Variants in RINL observed in about 807,000 individuals in gnomAD.
RINL encodes the protein ras and Rab interactor-like protein.
A neutral mutation model predicts 58.1 loss-of-function variants in RINL; 39 were observed. The ratio of observed to expected loss-of-function variants is 0.67; its 90% CI spans 0.52 to 0.88. RINL has a LOEUF of 0.88. RINL is among the 40% of genes least tolerant of loss of function. The probability of loss-of-function intolerance (pLI) is 0.00; values close to 1 mark genes in which losing one functional copy is unlikely to be tolerated. For missense variants in RINL, 711 were observed against 749.2 expected (o/e 0.95, Z 0.60); for synonymous variants, 286 against 323.1 (o/e 0.89, Z 1.23).
chr19:38,870,029 G>T lies in RINL; in HGVS notation c.1256C>A (p.Ala419Asp). 1 of 1,563,910 alleles carries T rather than the reference G, an allele frequency of 6.4e-7. No homozygotes were observed. The change falls in exon 9 of 12, where the codon GCT becomes GAT. Residue 419 changes from alanine (A) to aspartate (D), a missense_variant. Transcript: ENST00000591812. This position sits in a 1 kb window ranked among gnomAD's most constrained non-coding sequence, Gnocchi z 5.8. ...CACCTTGCGGCGCGGGGCGCAGGCA[G>T]CGTGGAGGTGCGCAAGGCGCTCGTG... ...RIHERLAHLH[A>D]ACAPRRKVAL...
At chr19:38,875,679 T>TAAA (rs35176853) in intron 3 of RINL, among the ~76,000 whole-genome samples, 131 of 147,694 alleles carry the variant, frequency 8.9e-4, no homozygotes, top group South Asian at 2.6e-3. Context: ...CTCTCAAAAT[T>TAAA]AAAAAAAAAA....
At chr19:38,874,533 C>A (rs1013701337) in intron 3 of RINL, among the ~76,000 whole-genome samples, 4 of 152,220 alleles carry the variant, frequency 2.6e-5, no homozygotes, top group African/African-American at 9.6e-5. Context: ...CTCAGCCTCT[C>A]ATAGTGCTGG....
intron 3 of RINL, among the ~76,000 whole-genome samples, chr19:38,875,679 T>TAAAA (rs35176853): frequency 2.0e-5 from 3 of 147,636 alleles, no homozygotes; most frequent in South Asian, 2.1e-4. Flanking sequence ...CTCTCAAAAT[T>TAAAA]AAAAAAAAAA....
In RINL at chr19:38,870,045, G is replaced by T; in HGVS notation, c.1240C>A (p.Leu414Ile). The change falls in exon 9 of 12, where the codon CTT becomes ATT. Residue 414 changes from leucine to isoleucine, a missense_variant. Coordinates refer to ENST00000591812, the MANE Select transcript of RINL (RefSeq NM_001195833.2). The surrounding 1 kb of genome is among the most constrained non-coding windows in gnomAD (Gnocchi z 5.8). ...GCGCAGGCAGCGTGGAGGTGCGCAA[G>T]GCGCTCGTGGATGCGGCTCCGCAAG... ...PALRSRIHER[L>I]AHLHAACAPR... The T allele has an allele frequency of 6.5e-7, 1 of 1,547,030 alleles. No individual in the cohort carries two copies.
At chr19:38,875,004 G>A (rs1032523441) in intron 3 of RINL, among the ~76,000 whole-genome samples, 9 of 151,586 alleles carry the variant, frequency 5.9e-5, no homozygotes, top group Admixed American at 3.9e-4. Flanking sequence ...GTGTAATGGC[G>A]GGCGCCTGTA....
In RINL at chr19:38,871,198, C is replaced by T; in HGVS notation, c.481G>A (p.Asp161Asn). ...ATGGAAAGCACCTTCCCTGGGGTGT[C>T]CTGTTGGACCCTGCCGATCTGCACA... ...DPVQIGRVQQDTPGKVLSIVN... is the reference protein window; with the variant it reads ...DPVQIGRVQQNTPGKVLSIVN... The change falls in exon 7 of 12, where the codon GAC becomes AAC. Residue 161 changes from aspartate to asparagine, a missense_variant. By Grantham distance (23) the Asp-to-Asn change is conservative. Transcript: ENST00000591812. The T allele has an allele frequency of 6.2e-7, 1 of 1,613,998 alleles. No individual in the cohort carries two copies. Among genetic ancestry groups the T allele is most frequent in the East Asian group, 2.2e-5 (1 of 44,868 alleles).
chr19:38,873,818 G>A (rs1365265829), intron 4 of RINL, 68 bp downstream of exon 4: 3 of 1,009,976 alleles, frequency 3.0e-6, no homozygotes, highest in East Asian at 2.6e-5. Flanking sequence ...GAGCCACCGC[G>A]CCGGTCCAGC....
In RINL at chr19:38,869,969, G is replaced by T. The variant is rs758543281; in HGVS notation, c.1316C>A (p.Ala439Glu). The T allele has an allele frequency of 1.3e-6, 2 of 1,599,288 alleles. No homozygotes were observed. The highest frequency in any genetic ancestry group is 1.3e-5 in the African/African-American group (1 of 74,690). The change falls in exon 9 of 12, where the codon GCG becomes GAG. Residue 439 changes from alanine (A) to glutamate (E), a missense_variant. Ala to Glu is a moderately radical substitution (Grantham distance 107). Transcript: ENST00000591812. This position sits in a 1 kb window ranked among gnomAD's most constrained non-coding sequence, Gnocchi z 5.7. Reference sequence around the variant, plus strand: ...TTGGTTCTCGCCTCGAGCCAGGCCCGCATAGACATCTCTGCACACCTCCAA... The same window carrying T: ...TTGGTTCTCGCCTCGAGCCAGGCCCTCATAGACATCTCTGCACACCTCCAA... ...LLLEVCRDVYAGLARGENQDP... is the reference protein window; with the variant it reads ...LLLEVCRDVYEGLARGENQDP...
At position 38,876,463 on chromosome 19, in the gene RINL, T is replaced by A; in HGVS notation, c.78A>T (p.Ala26=). The A allele has an allele frequency of 6.5e-7, 1 of 1,536,100 alleles. No individual in the cohort carries two copies. Among genetic ancestry groups the A allele is most frequent in the Non-Finnish European group, 8.7e-7 (1 of 1,146,858 alleles). Residue 26 remains alanine, a synonymous_variant, in exon 3 of 12, where the codon GCA becomes GCT. Coordinates refer to ENST00000591812, the MANE Select transcript of RINL (RefSeq NM_001195833.2). The part of the protein sequence containing the change: ...VRLVPPQVNK[A]DRTPLGVLST... The stretch of plus-strand genomic sequence containing the variant: ...TGAGGACCCCTAGAGGGGTCCTGTC[T>A]GCTTTGTTCACCTGTGGTGGGACCA...
chr19:38,875,622 T>A (rs149904887), intron 3 of RINL, among the ~76,000 whole-genome samples: 2 of 151,272 alleles, frequency 1.3e-5, no homozygotes, highest in South Asian at 2.1e-4. Context: ...AGTTGCAGTG[T>A]GCCGAGATCA....
In RINL at chr19:38,868,543, G is replaced by C. The variant is rs1462251001; in HGVS notation, c.*561C>G. On this transcript the variant is annotated 3_prime_UTR_variant, in exon 12 of 12. Transcript: ENST00000591812. ...CAGCTACTTGGTAGGCAGAGGCAGG[G>C]GGCTTGTTTGAGCCAGGAGGTTAAG... 6.6e-6 allele frequency: 1 copy of C among 152,016 alleles called. No individual in the cohort carries two copies. The highest frequency in any genetic ancestry group is 2.4e-5 in the African/African-American group (1 of 41,382). 9.4% of individuals were successfully genotyped at this position (152,016 alleles called of 1,614,324 possible). A position where few individuals can be genotyped will look rare whatever the true frequency, so the allele number is the denominator to read the frequency against.
chr19:38,871,927 C>A, intron 4 of RINL, 57 bp from the exon 5 acceptor site: 2 of 1,331,940 alleles, frequency 1.5e-6, no homozygotes, highest in East Asian at 2.4e-5. Context: ...AGTTTTCTGT[C>A]CCCTGGGATG....
rs1292715816 is a variant in RINL, at chr19:38,869,462, C to G, written c.1475-52G>C. 9 of 1,577,352 alleles carry G rather than the reference C, an allele frequency of 5.7e-6. No homozygotes were observed. Among genetic ancestry groups the G allele is most frequent in the Admixed American group, 1.8e-5 (1 of 57,104 alleles). ...CGCCCTCTCGGCTTCCCTGGTCGCC[C>G]CAAATCCCCCTGCAGTTTGCCTGCC... On this transcript the variant is annotated intron_variant, in intron 10 of 11. Coordinates refer to ENST00000591812, the MANE Select transcript of RINL (RefSeq NM_001195833.2). The surrounding 1 kb of genome is among the most constrained non-coding windows in gnomAD (Gnocchi z 5.7).
In RINL at chr19:38,869,523, C is replaced by T; in HGVS notation, c.1474+50G>A. 1 of 1,603,504 alleles carries T rather than the reference C, an allele frequency of 6.2e-7. No individual in the cohort carries two copies. The highest frequency in any genetic ancestry group is 1.1e-5 in the South Asian group (1 of 90,498). ...CTGCGGGGGGAGGCTGTTTGGGATC[C>T]CGGAGGTACTGGATCGCTGGGCTCC... On this transcript the variant is annotated intron_variant, in intron 10 of 11. Coordinates refer to ENST00000591812, the MANE Select transcript of RINL (RefSeq NM_001195833.2). This position sits in a 1 kb window ranked among gnomAD's most constrained non-coding sequence, Gnocchi z 5.7.
chr19:38,874,943 T>C (rs2144649370), intron 3 of RINL, among the ~76,000 whole-genome samples: 1 of 152,066 alleles, frequency 6.6e-6, no homozygotes, highest in African/African-American at 2.4e-5. Flanking sequence ...GAGACCACCC[T>C]GGCCAACGTG....
rs1972719335 is a variant in RINL, at chr19:38,868,405, G to T, written c.*699C>A. ...CTCAGCACTTTGGGAGGCCGACGTG[G>T]GCAGATTGCTTGAGGTTAGGAGTTT... On this transcript the variant is annotated 3_prime_UTR_variant, in exon 12 of 12. Coordinates refer to ENST00000591812, the MANE Select transcript of RINL (RefSeq NM_001195833.2). The T allele has an allele frequency of 6.6e-6, 1 of 152,052 alleles. No homozygotes were observed. The highest frequency in any genetic ancestry group is 6.6e-5 in the Admixed American group (1 of 15,260). The allele number at this position is 152,052 out of a possible 1,614,324, so 9.4% of individuals were successfully genotyped here.
Position 38,869,833 on chromosome 19 carries a change from A to C in RINL, c.1342+110T>G. The C allele has an allele frequency of 1.3e-6, 2 of 1,531,408 alleles. No individual in the cohort carries two copies. The highest frequency in any genetic ancestry group is 1.8e-6 in the Non-Finnish European group (2 of 1,134,936). The allele number at this position is 1,531,408 out of a possible 1,614,324, so 94.9% of individuals were successfully genotyped here. Reference sequence around the variant, plus strand: ...CTTGTCGGGCATGACAGCGCCTCCTACCAGAATCTTCAGGACCGCATAGAT... The same window carrying C: ...CTTGTCGGGCATGACAGCGCCTCCTCCCAGAATCTTCAGGACCGCATAGAT... On this transcript the variant is annotated intron_variant, in intron 9 of 11. Transcript: ENST00000591812. This position sits in a 1 kb window ranked among gnomAD's most constrained non-coding sequence, Gnocchi z 5.7.
In RINL at chr19:38,869,406, C is replaced by T; in HGVS notation, c.1479G>A (p.Gly493=). 1 of 1,598,804 alleles carries T rather than the reference C, an allele frequency of 6.3e-7. No individual in the cohort carries two copies. Among genetic ancestry groups the T allele is most frequent in the Non-Finnish European group, 8.5e-7 (1 of 1,169,970 alleles). The part of the protein sequence containing the change: ...LDPDELRGEA[G]YYLTTWFGAL... ...CCCCAAACCACGTGGTCAGGTAGTACCCAGCTGGGGACAGAAAGGGAAGTC... is the reference window on the plus strand; with the variant it reads ...CCCCAAACCACGTGGTCAGGTAGTATCCAGCTGGGGACAGAAAGGGAAGTC... Residue 493 remains glycine (G), a synonymous_variant, in exon 11 of 12, where the codon GGG becomes GGA. Coordinates refer to ENST00000591812, the MANE Select transcript of RINL (RefSeq NM_001195833.2). The surrounding 1 kb of genome is among the most constrained non-coding windows in gnomAD (Gnocchi z 5.7).
chr19:38,871,420 C>T, intron 6 of RINL, 193 bp from the exon 7 acceptor site: 2 of 694,418 alleles, frequency 2.9e-6, no homozygotes, highest in Non-Finnish European at 4.8e-6. Flanking sequence ...CGTCCGGGAC[C>T]CCCAGTTCCT....
Sources: gnomAD v4.1 joint callset for allele counts (sites outside exome capture counted in the v4.1 genomes callset) on GRCh38, gnomAD v4.1.1 for gene constraint, Gnocchi (gnomAD v3.1) non-coding constraint, MANE v1.5 for transcripts, NCBI Gene and HGNC (gene_info 2026-07-23, HGNC 2026-07-21) for gene names.